CDH18: variants seen among roughly 807,000 people sequenced by gnomAD.
CDH18 encodes the protein cadherin 18, also known as cadherin-18.
Under a neutral mutation model 67.9 loss-of-function variants are expected in CDH18, and 31 were observed. That is an observed-to-expected ratio of 0.46 (90% CI 0.34 to 0.62). CDH18 has a LOEUF of 0.62. Among genes scored for constraint, CDH18 ranks in the 20% least tolerant of loss-of-function variants. The pLI is 0.01. For synonymous variants in CDH18, 362 were observed against 347.2 expected, an observed-to-expected ratio of 1.04 and a Z score of -0.48; for missense variants, 890 against 975.5, an observed-to-expected ratio of 0.91 and a Z score of 1.17.
At chr5:20,037,694 A>C (rs1740005856) in intron 2 of CDH18, among the ~76,000 whole-genome samples, 1 of 152,174 alleles carries the variant, frequency 6.6e-6, no homozygotes, top group Admixed American at 6.6e-5. Flanking sequence ...TCTGCGACAC[A>C]GCTAAAGCAG....
chr5:19,592,794 A>G (rs1214981908), intron 6 of CDH18, among the ~76,000 whole-genome samples: 1 of 152,092 alleles, frequency 6.6e-6, no homozygotes, highest in East Asian at 1.9e-4. Flanking sequence ...GCATAATGAC[A>G]ATTTTATATT....
At chr5:19,718,429 C>G (rs1248686903) in intron 5 of CDH18, among the ~76,000 whole-genome samples, 1 of 151,914 alleles carries the variant, frequency 6.6e-6, no homozygotes, top group Non-Finnish European at 1.5e-5. Context: ...TTAACTGATT[C>G]TTTGATTTTC....
At chr5:19,488,147 C>T (rs1740703406) in intron 11 of CDH18, among the ~76,000 whole-genome samples, 1 of 151,992 alleles carries the variant, frequency 6.6e-6, no homozygotes, top group Admixed American at 6.6e-5. Context: ...AATTTATGTG[C>T]CACTGTAGCA....
intron 3 of CDH18, among the ~76,000 whole-genome samples, chr5:19,828,560 G>A (rs1780667994): frequency 1.3e-5 from 2 of 152,184 alleles, no homozygotes; most frequent in Non-Finnish European, 2.9e-5. Context: ...TAGGCTTTAT[G>A]CCTGGGATGC....
chr5:20,571,507 A>G (rs1430474012), intron 1 of CDH18, among the ~76,000 whole-genome samples: 3 of 152,120 alleles, frequency 2.0e-5, no homozygotes, highest in Non-Finnish European at 4.4e-5. Context: ...GAACAGCATT[A>G]TATTATATAC....
chr5:19,846,398 T>C lies in CDH18; in HGVS notation c.-256-7156A>G, dbSNP rs1029385756. ...ATTTTTATACTTTTGTCTTTTACCT[T>C]CATACCAGAATTTAAAGTGATTTAC... On this transcript the variant is annotated intron_variant, in intron 2 of 12. Transcript: ENST00000382275. Among the ~76,000 whole-genome samples, 7 of 152,170 alleles carry C rather than the reference T, an allele frequency of 4.6e-5. 1 individual carries two copies. Among genetic ancestry groups the C allele is most frequent in the Admixed American group, 4.6e-4 (7 of 15,260 alleles).
chr5:20,267,484 T>A (rs1338139337), intron 1 of CDH18, among the ~76,000 whole-genome samples: 1 of 152,154 alleles, frequency 6.6e-6, no homozygotes, highest in Non-Finnish European at 1.5e-5. Context: ...GATCTTGGCA[T>A]TTTGATAGGG....
intron 2 of CDH18, among the ~76,000 whole-genome samples, chr5:19,994,865 G>T (rs1292787853): frequency 9.0e-5 from 12 of 133,348 alleles, no homozygotes; most frequent in East Asian, 2.3e-4. Flanking sequence ...TAGAGAGAGA[G>T]AGAGAGAGAG....
chr5:20,209,705 A>G (rs181327634), intron 2 of CDH18, among the ~76,000 whole-genome samples: 21 of 152,124 alleles, frequency 1.4e-4, no homozygotes, highest in African/African-American at 4.8e-4. Flanking sequence ...CAATCACTGA[A>G]ATATACAATA....
chr5:20,476,987 G>T (rs983285576), intron 1 of CDH18, among the ~76,000 whole-genome samples: 3 of 152,064 alleles, frequency 2.0e-5, no homozygotes, highest in African/African-American at 7.2e-5. Flanking sequence ...CCTTGCGTTT[G>T]TGTCTGCTGT....
chr5:19,784,830 T>C (rs979333990), intron 3 of CDH18, among the ~76,000 whole-genome samples: 6 of 152,324 alleles, frequency 3.9e-5, no homozygotes, highest in African/African-American at 1.4e-4. Flanking sequence ...TGAAGCCTGC[T>C]ACCTGGAGGC....
chr5:19,537,638 C>T (rs1749632126), intron 9 of CDH18, among the ~76,000 whole-genome samples: 1 of 152,046 alleles, frequency 6.6e-6, no homozygotes, highest in South Asian at 2.1e-4. Flanking sequence ...TTCACTGATC[C>T]TCTTAGAGTG....
At chr5:20,184,237 G>A (rs867852844) in intron 2 of CDH18, among the ~76,000 whole-genome samples, 4 of 152,070 alleles carry the variant, frequency 2.6e-5, no homozygotes, top group Admixed American at 1.3e-4. Flanking sequence ...ACTGACATCC[G>A]AGGTAAAACA....
intron 2 of CDH18, among the ~76,000 whole-genome samples, chr5:20,141,131 T>C (rs1245907380): frequency 1.3e-5 from 2 of 152,198 alleles, no homozygotes; most frequent in African/African-American, 4.8e-5. Flanking sequence ...AGTAGGCATG[T>C]TTCTATTTTG....
chr5:19,847,146 T>C (rs187863136), intron 2 of CDH18, among the ~76,000 whole-genome samples: 17 of 152,238 alleles, frequency 1.1e-4, no homozygotes, highest in Middle Eastern at 6.8e-3. Context: ...ATTGGGCTAC[T>C]TGCATCTATT....
intron 2 of CDH18, among the ~76,000 whole-genome samples, chr5:20,033,426 ATC>A (rs1056662918): frequency 6.6e-6 from 1 of 152,036 alleles, no homozygotes; most frequent in Non-Finnish European, 1.5e-5. Flanking sequence ...TTTTGCAAGT[ATC>A]ACACAAGATG....
chr5:20,267,488 G>C (rs535906831), intron 1 of CDH18, among the ~76,000 whole-genome samples: 1 of 152,154 alleles, frequency 6.6e-6, no homozygotes, highest in East Asian at 1.9e-4. Context: ...TTGGCATTTT[G>C]ATAGGGATTG....
chr5:19,690,993 T>C (rs1466117993), intron 5 of CDH18, among the ~76,000 whole-genome samples: 2 of 151,832 alleles, frequency 1.3e-5, no homozygotes, highest in African/African-American at 4.8e-5. Flanking sequence ...CAGGTTAATA[T>C]CCCTAATGAA....
intron 2 of CDH18, among the ~76,000 whole-genome samples, chr5:19,927,744 T>A (rs1229769385): frequency 6.6e-6 from 1 of 152,154 alleles, no homozygotes; most frequent in Admixed American, 6.6e-5. Flanking sequence ...ATCTAATATG[T>A]GTCAGAAAAA....
Sources: allele counts gnomAD v4.1 joint callset (sites outside exome capture counted in the v4.1 genomes callset), GRCh38; gene constraint gnomAD v4.1.1; transcripts MANE v1.5; gene names NCBI Gene and HGNC (gene_info 2026-07-23, HGNC 2026-07-21).